Variants in STARD13 observed in about 807,000 individuals in gnomAD.
STARD13 encodes the protein StAR related lipid transfer domain containing 13.
A neutral mutation model predicts 106.4 loss-of-function variants in STARD13; 62 were observed. That is an observed-to-expected ratio of 0.58 (90% CI 0.48 to 0.72). STARD13 has a LOEUF of 0.72. STARD13 is among the 30% of genes least tolerant of loss of function. The pLI, the probability that STARD13 is intolerant of heterozygous loss-of-function variation, is 0.00. For synonymous variants in STARD13, 565 were observed against 553.0 expected (o/e 1.02, Z -0.31); for missense variants, 1,387 against 1,424.0 (o/e 0.97, Z 0.42).
At chr13:33,122,900 C>T (rs1876559896) in intron 7 of STARD13, among the ~76,000 whole-genome samples, 1 of 151,860 alleles carries the variant, frequency 6.6e-6, no homozygotes, top group African/African-American at 2.4e-5. Context: ...ATTAAAAATA[C>T]AAAAATTAGC....
At chr13:33,503,071 T>C in the STARD13 span, among the ~76,000 whole-genome samples, 1 of 152,200 alleles carries the variant, frequency 6.6e-6, no homozygotes, top group Non-Finnish European at 1.5e-5. Context: ...CTGTTATTGG[T>C]CTATTCAGGG....
chr13:33,340,902 C>G (rs4941751), intron 1 of STARD13, among the ~76,000 whole-genome samples: 112,959 of 152,090 alleles, frequency 0.74, 42,615 homozygotes, highest in East Asian at 0.97. Context: ...CACCAAGATA[C>G]AGCCATGGTA....
rs1028241777 is a variant in STARD13, at chr13:33,136,407, C to T, written c.387+5903G>A. Among the ~76,000 whole-genome samples, 7 of 152,254 alleles carry T rather than the reference C, an allele frequency of 4.6e-5. No individual in the cohort carries two copies. In the East Asian group the frequency reaches 1.2e-3, roughly 25 times the overall value. On this transcript the variant is annotated intron_variant, in intron 4 of 13. Transcript: ENST00000336934. Reference sequence around the variant, plus strand: ...AATAGGGGCAGCTTCCTGGTGAAACCCCACCCTCAAGCCAAAGACAGTTTG... The same window carrying T: ...AATAGGGGCAGCTTCCTGGTGAAACTCCACCCTCAAGCCAAAGACAGTTTG...
At chr13:33,531,402 T>A in the STARD13 span, among the ~76,000 whole-genome samples, 1 of 152,228 alleles carries the variant, frequency 6.6e-6, no homozygotes, top group Non-Finnish European at 1.5e-5. Flanking sequence ...ATTGCAATTA[T>A]TCTTGTGAAT....
the STARD13 span, among the ~76,000 whole-genome samples, chr13:33,427,880 G>A: frequency 1.3e-5 from 2 of 151,648 alleles, no homozygotes; most frequent in Admixed American, 1.3e-4. Flanking sequence ...ACTTGAACCC[G>A]GGAGGCAGAG....
chr13:33,350,726 C>T (rs2078070073), upstream of STARD13: 1 of 1,000,934 alleles, frequency 1.0e-6, no homozygotes, highest in Non-Finnish European at 1.2e-6. Context: ...CCTCCCTCCC[C>T]TGCCCTCCCC....
chr13:33,501,009 TA>T, the STARD13 span, among the ~76,000 whole-genome samples: 108 of 138,364 alleles, frequency 7.8e-4, no homozygotes, highest in East Asian at 2.3e-3. Flanking sequence ...TTTATGGTCT[TA>T]AAAAAAAAAA....
chr13:33,583,487 T>C, the STARD13 span, among the ~76,000 whole-genome samples: 1 of 152,200 alleles, frequency 6.6e-6, no homozygotes, highest in Non-Finnish European at 1.5e-5. Context: ...GACCTTTTTT[T>C]TGGTGGCTCC....
chr13:33,143,843 GC>G (rs1382729183), intron 3 of STARD13, among the ~76,000 whole-genome samples: 8 of 151,986 alleles, frequency 5.3e-5, no homozygotes, highest in African/African-American at 1.9e-4. Flanking sequence ...GAGCCACCGC[GC>G]CCAGCTTGTT....
At chr13:33,637,243 T>G in the STARD13 span, among the ~76,000 whole-genome samples, 32,251 of 152,048 alleles carry the variant, frequency 0.21, 7,487 homozygotes, top group African/African-American at 0.57. Flanking sequence ...GGAGAGAGTG[T>G]GACTTCTCTG....
chr13:33,444,622 A>G, the STARD13 span, among the ~76,000 whole-genome samples: 1 of 152,076 alleles, frequency 6.6e-6, no homozygotes, highest in African/African-American at 2.4e-5. Context: ...AGAAAAAATT[A>G]GCCAGTGTGA....
chr13:33,285,929 A>G (rs546284697), upstream of STARD13, among the ~76,000 whole-genome samples: 123 of 152,226 alleles, frequency 8.1e-4, 2 homozygotes, highest in South Asian at 0.01. Context: ...CGCTGAAAGC[A>G]AAATACACGT....
chr13:33,612,172 GT>G, the STARD13 span, among the ~76,000 whole-genome samples: 28 of 152,340 alleles, frequency 1.8e-4, 2 homozygotes, highest in South Asian at 5.6e-3. Context: ...TAATGTGATA[GT>G]TTTTCCACTA....
chr13:33,592,137 A>G, the STARD13 span, among the ~76,000 whole-genome samples: 1 of 152,138 alleles, frequency 6.6e-6, no homozygotes, highest in Non-Finnish European at 1.5e-5. Context: ...AGTTCATGTC[A>G]TTTTAGTTTA....
chr13:33,482,614 A>T, the STARD13 span, among the ~76,000 whole-genome samples: 2 of 152,216 alleles, frequency 1.3e-5, no homozygotes, highest in Non-Finnish European at 2.9e-5. Context: ...TACATAATTG[A>T]TTAGAATTTT....
At chr13:33,303,666 A>G (rs4558280) in intron 1 of STARD13, among the ~76,000 whole-genome samples, 146,773 of 152,208 alleles carry the variant, frequency 0.96, 70,994 homozygotes, top group East Asian at 1. Flanking sequence ...ACTTAAACAG[A>G]GGGAGATGAA....
the STARD13 span, among the ~76,000 whole-genome samples, chr13:33,495,291 A>G: frequency 6.6e-6 from 1 of 152,226 alleles, no homozygotes; most frequent in Non-Finnish European, 1.5e-5. Context: ...GCCAATTATC[A>G]TCTTAACCAT....
the STARD13 span, among the ~76,000 whole-genome samples, chr13:33,494,708 T>C: frequency 6.6e-6 from 1 of 151,940 alleles, no homozygotes; most frequent in Non-Finnish European, 1.5e-5. Context: ...AATAGCTTTT[T>C]GACCAAAAAA....
chr13:33,111,268 A>G (rs910330962), intron 10 of STARD13, among the ~76,000 whole-genome samples: 4 of 152,222 alleles, frequency 2.6e-5, no homozygotes, highest in Admixed American at 2.6e-4. Context: ...TGTGAAGGGA[A>G]ACATCAAACA....
Sources: allele counts gnomAD v4.1 joint callset (sites outside exome capture counted in the v4.1 genomes callset), GRCh38; gene constraint gnomAD v4.1.1; transcripts MANE v1.5; gene names NCBI Gene and HGNC (gene_info 2026-07-23, HGNC 2026-07-21).